The following FBLIM1 variants were observed in gnomAD, a reference collection of about 807,000 sequenced individuals.
FBLIM1 encodes the protein filamin-binding LIM protein 1.
In FBLIM1, 29 loss-of-function variants were observed where a neutral mutation model predicts 37.4. The ratio of observed to expected loss-of-function variants is 0.77; its 90% CI spans 0.58 to 1.06. The LOEUF is 1.06. Among genes scored for constraint, FBLIM1 ranks in the 50% least tolerant of loss-of-function variants. The pLI, the probability that FBLIM1 is intolerant of heterozygous loss-of-function variation, is 0.00. For synonymous variants in FBLIM1, 193 were observed against 199.0 expected (o/e 0.97, Z 0.25); for missense variants, 449 against 505.6 (o/e 0.89, Z 1.07).
chr1:15,765,576 A>G lies in FBLIM1; in HGVS notation c.250+343A>G, dbSNP rs1322966389. On this transcript the variant is annotated intron_variant, in intron 3 of 8. Coordinates refer to ENST00000375766, the MANE Select transcript of FBLIM1 (RefSeq NM_017556.4). The surrounding 1 kb of genome is among the most constrained non-coding windows in gnomAD (Gnocchi z 5.9). ...CCAATTTAATACCCTCAAGCAGAGC[A>G]CGGGGATCTTGGGGTTCAGTCTCCC... Among the ~76,000 whole-genome samples, 6 of 151,880 alleles carry G rather than the reference A, an allele frequency of 4.0e-5. No individual in the cohort carries two copies. The highest frequency in any genetic ancestry group is 7.4e-5 in the Non-Finnish European group (5 of 67,988).
rs2069745491 is a variant in FBLIM1 at position 15,785,338 on chromosome 1, A to AAAAAG, written c.*678_*682dup. 6.7e-6 allele frequency: 1 copy of AAAAAG among 149,694 alleles called. No homozygotes were observed. The highest frequency in any genetic ancestry group is 1.5e-5 in the Non-Finnish European group (1 of 67,514). 9.3% of individuals were successfully genotyped at this position (149,694 alleles called of 1,614,324 possible). On this transcript the variant is annotated 3_prime_UTR_variant, in exon 9 of 9. Coordinates refer to ENST00000375766, the MANE Select transcript of FBLIM1 (RefSeq NM_017556.4). The stretch of plus-strand genomic sequence containing the variant: ...AGAGGGAAACTCCGTCTCAAAAAAA[A>AAAAAG]AAAAGTGCCTTTTAGGCCGGATGTG...
At chr1:15,763,354 G>T (rs1417465826) in intron 1 of FBLIM1, among the ~76,000 whole-genome samples, 1 of 151,838 alleles carries the variant, frequency 6.6e-6, no homozygotes, top group Non-Finnish European at 1.5e-5. Context: ...GAGTCTCACC[G>T]GGGTGCGATG....
chr1:15,779,720 G>A (rs975518935), intron 8 of FBLIM1, among the ~76,000 whole-genome samples: 1 of 152,194 alleles, frequency 6.6e-6, no homozygotes, highest in Non-Finnish European at 1.5e-5. Context: ...ACTTCAGGCT[G>A]CAGAGAGGGG....
intron 6 of FBLIM1, among the ~76,000 whole-genome samples, chr1:15,771,252 T>G (rs891736721): frequency 6.8e-6 from 1 of 147,496 alleles, no homozygotes; most frequent in African/African-American, 2.5e-5. Flanking sequence ...TTTTTTTGTT[T>G]TTTTTTTTTT....
At chr1:15,777,348 G>A in intron 8 of FBLIM1, 61 bp downstream of exon 8, 1 of 1,327,084 alleles carries the variant, frequency 7.5e-7, no homozygotes, top group South Asian at 1.2e-5. Context: ...CCTTAGCTGG[G>A]TTGCTTGGAC....
intron 6 of FBLIM1, among the ~76,000 whole-genome samples, chr1:15,771,744 C>T (rs1482885716): frequency 6.6e-6 from 1 of 151,866 alleles, no homozygotes; most frequent in African/African-American, 2.4e-5. Context: ...ATCTGAAAGC[C>T]TCTTTTGCCG....
chr1:15,780,475 G>A lies in FBLIM1; in HGVS notation c.1008+3188G>A, dbSNP rs534498989. ...TTGGCCTCCCAAAGTGCTGGGTGGC[G>A]TGAGCCACCACACCCAGTCAAAATT... On this transcript the variant is annotated intron_variant, in intron 8 of 8. Coordinates refer to ENST00000375766, the MANE Select transcript of FBLIM1 (RefSeq NM_017556.4). Among the ~76,000 whole-genome samples, 82 of 152,298 alleles carry A rather than the reference G, an allele frequency of 5.4e-4. 2 individuals carry two copies. Among genetic ancestry groups the A allele is most frequent in the Admixed American group, 2.1e-3 (32 of 15,288 alleles).
At chr1:15,763,214 C>T (rs981381525) in intron 1 of FBLIM1, among the ~76,000 whole-genome samples, 8 of 151,714 alleles carry the variant, frequency 5.3e-5, no homozygotes, top group African/African-American at 1.7e-4. Flanking sequence ...GGATTACAGG[C>T]GCCCGCCAGC....
intron 6 of FBLIM1, among the ~76,000 whole-genome samples, chr1:15,770,870 G>A (rs1169695944): frequency 6.6e-6 from 1 of 152,222 alleles, no homozygotes; most frequent in East Asian, 1.9e-4. Context: ...CCAAGGTGGT[G>A]TGCTGTCTGG....
intron 6 of FBLIM1, among the ~76,000 whole-genome samples, chr1:15,772,690 A>G (rs1425586929): frequency 6.6e-6 from 1 of 152,160 alleles, no homozygotes; most frequent in Admixed American, 6.5e-5. Context: ...GCGGTGGCTC[A>G]CACCTGCAAT....
intron 8 of FBLIM1, 121 bp from the exon 9 acceptor site, chr1:15,784,427 C>G (rs2148669295): frequency 1.4e-6 from 1 of 718,542 alleles, no homozygotes; most frequent in East Asian, 2.6e-5. Context: ...CTCCTTCCTC[C>G]CACTTAGGAA....
chr1:15,777,274 G>A lies in FBLIM1; in HGVS notation c.995G>A (p.Cys332Tyr). 1 of 1,612,812 alleles carries A rather than the reference G, an allele frequency of 6.2e-7. No homozygotes were observed. Among genetic ancestry groups the A allele is most frequent in the Non-Finnish European group, 8.5e-7 (1 of 1,178,886 alleles). ...ECMGRNFHEN[C>Y]YRCEDCRILL... ...ATGGGAAGAAACTTCCATGAAAATT[G>A]CTACAGGTGTGAGGTGAGTGGAGCC... is the stretch of plus-strand genomic sequence containing the variant. Residue 332 changes from cysteine (C) to tyrosine (Y), a missense_variant, in exon 8 of 9, where the codon TGC becomes TAC. By Grantham distance (194) the Cys-to-Tyr change is radical. Transcript: ENST00000375766.
chr1:15,766,921 GCT>G (rs1477823248), intron 3 of FBLIM1, among the ~76,000 whole-genome samples: 1 of 145,600 alleles, frequency 6.9e-6, no homozygotes, highest in East Asian at 2.0e-4. Context: ...ACAGGTTCTG[GCT>G]CTGTCACCCA....
chr1:15,768,875 T>G (rs2069061122), intron 5 of FBLIM1, among the ~76,000 whole-genome samples: 1 of 152,224 alleles, frequency 6.6e-6, no homozygotes, highest in Admixed American at 6.5e-5. Flanking sequence ...TCTTGAATTT[T>G]TTCTCACTAT....
intron 1 of FBLIM1, among the ~76,000 whole-genome samples, chr1:15,761,559 TAG>T (rs2068673823): frequency 6.6e-6 from 1 of 152,128 alleles, no homozygotes; most frequent in Non-Finnish European, 1.5e-5. Context: ...TTGACAAAAA[TAG>T]ATTCTTAAAC....
intron 8 of FBLIM1, among the ~76,000 whole-genome samples, chr1:15,782,405 C>CT (rs1404398675): frequency 2.2e-5 from 3 of 136,398 alleles, no homozygotes; most frequent in Admixed American, 7.6e-5. Context: ...GAGACTCTAT[C>CT]TTAAAAAAAA....
At chr1:15,779,340 T>G (rs2069577661) in intron 8 of FBLIM1, among the ~76,000 whole-genome samples, 1 of 152,112 alleles carries the variant, frequency 6.6e-6, no homozygotes, top group African/African-American at 2.4e-5. Context: ...CGTCTCACTC[T>G]GTCACCCAGG....
At chr1:15,784,458 G>C (rs2069725650) in intron 8 of FBLIM1, 90 bp from the exon 9 acceptor site, 1 of 997,494 alleles carries the variant, frequency 1.0e-6, no homozygotes, top group Admixed American at 2.0e-5. Context: ...TCATGCAGTT[G>C]GTTTATTCGG....
chr1:15,767,269 C>T, intron 3 of FBLIM1, 107 bp from the exon 4 acceptor site: 4 of 1,028,498 alleles, frequency 3.9e-6, no homozygotes, highest in Non-Finnish European at 5.5e-6. Context: ...CCGGGGTGAT[C>T]CCGACCGGGG....
Sources: gnomAD v4.1 joint callset for allele counts (sites outside exome capture counted in the v4.1 genomes callset) on GRCh38, gnomAD v4.1.1 for gene constraint, Gnocchi (gnomAD v3.1) non-coding constraint, MANE v1.5 for transcripts, NCBI Gene and HGNC (gene_info 2026-07-23, HGNC 2026-07-21) for gene names.